Variants in PRTG observed in about 807,000 individuals in gnomAD.
PRTG encodes protogenin.
PRTG carries 67 observed loss-of-function variants against 122.5 expected under a neutral mutation model. The ratio of observed to expected loss-of-function variants is 0.55; its 90% confidence interval spans 0.45 to 0.67. The LOEUF (loss-of-function observed/expected upper bound fraction) is 0.67, where lower values mean the gene tolerates loss of function less well. PRTG is among the 30% of genes least tolerant of loss of function. The pLI is 0.00. For synonymous variants in PRTG, 554 were observed against 501.1 expected (o/e 1.11, Z -1.41); for missense variants, 1,435 against 1,415.4 (o/e 1.01, Z -0.22).
intron 15 of PRTG, among the ~76,000 whole-genome samples, chr15:55,631,997 C>A (rs2141722233): frequency 6.6e-6 from 1 of 152,144 alleles, no homozygotes; most frequent in East Asian, 1.9e-4. Flanking sequence ...GGAGAAGTGC[C>A]CCAGGATACA....
At chr15:55,685,054 C>T (rs937412379) in intron 2 of PRTG, among the ~76,000 whole-genome samples, 1 of 152,018 alleles carries the variant, frequency 6.6e-6, no homozygotes, top group African/African-American at 2.4e-5. Context: ...CTAAGTCTTC[C>T]AAGATACAAA....
At chr15:55,631,517 T>C (rs1287842280) in intron 15 of PRTG, among the ~76,000 whole-genome samples, 2 of 152,230 alleles carry the variant, frequency 1.3e-5, no homozygotes, top group Non-Finnish European at 2.9e-5. Context: ...CTGGTTCCCC[T>C]ATGAGGACAC....
At chr15:55,732,889 T>C (rs1162383181) in intron 2 of PRTG, among the ~76,000 whole-genome samples, 1 of 152,116 alleles carries the variant, frequency 6.6e-6, no homozygotes, top group East Asian at 1.9e-4. Flanking sequence ...GCCAAACACA[T>C]TTTAAAAAAA....
At position 55,615,771 on chromosome 15, in the gene PRTG, A is replaced by G. The variant is rs2059139265; in HGVS notation, c.*4241T>C. The G allele has an allele frequency of 6.6e-6, 1 of 152,130 alleles. No homozygotes were observed. 9.4% of individuals were successfully genotyped at this position (152,130 alleles called of 1,614,324 possible). A position where few individuals can be genotyped will look rare whatever the true frequency, so the allele number is the denominator to read the frequency against. On this transcript the variant is annotated 3_prime_UTR_variant, in exon 20 of 20. Coordinates refer to ENST00000389286, the MANE Select transcript of PRTG (RefSeq NM_173814.6). ...AAAATTTACATTCAGTGAAACAGAA[A>G]TGTATATAAGTGAACCACTATAGCT...
intron 2 of PRTG, among the ~76,000 whole-genome samples, chr15:55,713,499 A>G (rs1595671084): frequency 6.6e-6 from 1 of 152,222 alleles, no homozygotes; most frequent in Non-Finnish European, 1.5e-5. Context: ...AAGGTTACAT[A>G]TATTTTCAAT....
chr15:55,642,618 G>A (rs951187655), intron 11 of PRTG, among the ~76,000 whole-genome samples: 201 of 135,656 alleles, frequency 1.5e-3, no homozygotes, highest in African/African-American at 5.0e-3. Context: ...AAAAAAAAAG[G>A]ATACAACTCA....
intron 16 of PRTG, among the ~76,000 whole-genome samples, 168 bp from the exon 17 acceptor site, chr15:55,627,296 TCAGAGACAGA>T (rs2059200261): frequency 2.0e-5 from 3 of 151,806 alleles, no homozygotes; most frequent in African/African-American, 7.3e-5. Context: ...ATCAGTGATT[TCAGAGACAGA>T]TTTCTCTTCC....
chr15:55,706,916 C>T (rs952272825), intron 2 of PRTG, among the ~76,000 whole-genome samples: 1 of 152,168 alleles, frequency 6.6e-6, no homozygotes, highest in African/African-American at 2.4e-5. Context: ...CATCCTTGGA[C>T]CAATCTTAGA....
At chr15:55,719,747 C>T (rs1478366493) in intron 2 of PRTG, among the ~76,000 whole-genome samples, 3 of 151,980 alleles carry the variant, frequency 2.0e-5, no homozygotes, top group Non-Finnish European at 4.4e-5. Flanking sequence ...AAGTTTTAGG[C>T]AAAATTCTTG....
At position 55,612,733 on chromosome 15, in the gene PRTG, T is replaced by C. The variant is rs1489800518; in HGVS notation, c.*7279A>G. On this transcript the variant is annotated 3_prime_UTR_variant, in exon 20 of 20. Transcript: ENST00000389286. ...ATATATATATATATATATATATATA[T>C]ATATATATATATATATGACTTAAAT... 8.3e-5 allele frequency: 4 copies of C among 48,134 alleles called. No homozygotes were observed. Among genetic ancestry groups the C allele is most frequent in the Non-Finnish European group, 2.5e-4 (4 of 16,228 alleles). 3.0% of individuals were successfully genotyped at this position (48,134 alleles called of 1,614,324 possible). A position where few individuals can be genotyped will look rare whatever the true frequency, so the allele number is the denominator to read the frequency against.
chr15:55,618,842 T>C lies in PRTG; in HGVS notation c.*1170A>G, dbSNP rs944303709. The C allele has an allele frequency of 4.6e-5, 7 of 152,156 alleles. No individual in the cohort carries two copies. The highest frequency in any genetic ancestry group is 8.8e-5 in the Non-Finnish European group (6 of 68,036). The allele number at this position is 152,156 out of a possible 1,614,324, so 9.4% of individuals were successfully genotyped here. On this transcript the variant is annotated 3_prime_UTR_variant, in exon 20 of 20. Coordinates refer to ENST00000389286, the MANE Select transcript of PRTG (RefSeq NM_173814.6). ...CTGTTCCTAAACAATTTCATGAATA[T>C]TAAAAAGGTATAAGGCAAAGAATTT...
At chr15:55,668,919 CAG>C (rs957436588) in intron 11 of PRTG, among the ~76,000 whole-genome samples, 1 of 152,062 alleles carries the variant, frequency 6.6e-6, no homozygotes, top group African/African-American at 2.4e-5. Context: ...GAAATTTGTG[CAG>C]ATATTGGAAA....
At chr15:55,675,375 A>C in intron 9 of PRTG, 144 bp downstream of exon 9, 1 of 522,904 alleles carries the variant, frequency 1.9e-6, no homozygotes, top group Non-Finnish European at 3.3e-6. Context: ...GGCAAAAAGC[A>C]AGAGTGAGAT....
chr15:55,715,968 C>G (rs1301084848), intron 2 of PRTG, among the ~76,000 whole-genome samples: 3 of 152,190 alleles, frequency 2.0e-5, no homozygotes, highest in African/African-American at 7.2e-5. Context: ...CAACACTTGT[C>G]TACATTAGCT....
chr15:55,706,387 C>G (rs192023863), intron 2 of PRTG, among the ~76,000 whole-genome samples: 3 of 151,840 alleles, frequency 2.0e-5, no homozygotes, highest in East Asian at 1.9e-4. Flanking sequence ...GGTAAAGGCA[C>G]AGAGCAATAA....
chr15:55,672,149 A>G (rs755370387), intron 11 of PRTG, among the ~76,000 whole-genome samples: 8 of 152,174 alleles, frequency 5.3e-5, no homozygotes, highest in Non-Finnish European at 1.2e-4. Context: ...CACACTCACA[A>G]TAATTGATCA....
In PRTG at chr15:55,682,421, C is replaced by A; in HGVS notation, c.619G>T (p.Ala207Ser). The change falls in exon 4 of 20, where the codon GCT becomes TCT. Residue 207 changes from alanine to serine, a missense_variant. Coordinates refer to ENST00000389286, the MANE Select transcript of PRTG (RefSeq NM_173814.6). The stretch of plus-strand genomic sequence containing the variant: ...TTACGTCGGTGGGCTACAGTGGCAG[C>A]AATACAACGATAATTTCCAGAATCC... Reference protein sequence around the residue: ...QRDSGNYRCIAATVAHRRKSM... With the variant: ...QRDSGNYRCISATVAHRRKSM... 1 of 1,606,416 alleles carries A rather than the reference C, an allele frequency of 6.2e-7. No individual in the cohort carries two copies. Among genetic ancestry groups the A allele is most frequent in the Non-Finnish European group, 8.5e-7 (1 of 1,175,548 alleles).
chr15:55,688,867 A>G (rs1475493976), intron 2 of PRTG, among the ~76,000 whole-genome samples: 1 of 152,136 alleles, frequency 6.6e-6, no homozygotes, highest in African/African-American at 2.4e-5. Context: ...AGGCACTCCA[A>G]AGTCATCGTG....
chr15:55,611,630 A>G lies in PRTG; in HGVS notation c.*8382T>C, dbSNP rs2059120767. 1 of 152,100 alleles carries G rather than the reference A, an allele frequency of 6.6e-6. No homozygotes were observed. Among genetic ancestry groups the G allele is most frequent in the Non-Finnish European group, 1.5e-5 (1 of 67,984 alleles). 9.4% of individuals were successfully genotyped at this position (152,100 alleles called of 1,614,324 possible). The stretch of plus-strand genomic sequence containing the variant: ...GTTTCATAAACATTTTGGCATTTAA[A>G]CTTTTATTCATTTTTGGCATGACCT... On this transcript the variant is annotated 3_prime_UTR_variant, in exon 20 of 20. Coordinates refer to ENST00000389286, the MANE Select transcript of PRTG (RefSeq NM_173814.6).
Sources: allele counts gnomAD v4.1 joint callset (sites outside exome capture counted in the v4.1 genomes callset), GRCh38; gene constraint gnomAD v4.1.1; transcripts MANE v1.5; gene names NCBI Gene and HGNC (gene_info 2026-07-23, HGNC 2026-07-21).